The following GLI2 variants were observed in gnomAD, a reference collection of about 807,000 sequenced individuals.
GLI2 encodes GLI family zinc finger 2, also known as transcription activator GLI2.
Under a neutral mutation model 78.9 loss-of-function variants are expected in GLI2, and 22 were observed. That is an observed-to-expected ratio of 0.28 (90% CI 0.20 to 0.40). GLI2 has a LOEUF of 0.40. Among genes scored for constraint, GLI2 ranks in the 10% least tolerant of loss-of-function variants. GLI2 has a pLI of 1.00. For synonymous variants in GLI2, 974 were observed against 963.7 expected (o/e 1.01, Z -0.20); for missense variants, 2,097 against 2,213.2 (o/e 0.95, Z 1.05).
intron 2 of GLI2, among the ~76,000 whole-genome samples, chr2:120,885,460 G>A (rs1302141355): frequency 1.3e-5 from 2 of 152,194 alleles, no homozygotes; most frequent in African/African-American, 2.4e-5. Flanking sequence ...CCCCAGCCTC[G>A]GAAATGCTGA....
intron 2 of GLI2, among the ~76,000 whole-genome samples, chr2:120,914,137 G>T (rs1384796519): frequency 1.3e-5 from 2 of 152,268 alleles, no homozygotes; most frequent in Non-Finnish European, 2.9e-5. Context: ...CGACAAGTGG[G>T]CTTCTTGCCG....
intron 2 of GLI2, among the ~76,000 whole-genome samples, chr2:120,900,281 A>G (rs542897980): frequency 1.3e-5 from 2 of 152,080 alleles, no homozygotes; most frequent in African/African-American, 4.8e-5. Flanking sequence ...TGCTTCCCAA[A>G]CTTCAGTGTG....
intron 2 of GLI2, among the ~76,000 whole-genome samples, chr2:120,863,196 C>T (rs1181974710): frequency 6.6e-6 from 1 of 152,186 alleles, no homozygotes; most frequent in East Asian, 1.9e-4. Flanking sequence ...TCTGGGAGAC[C>T]CTGGAAGCAT....
At chr2:120,935,936 C>T (rs1027093920) in intron 3 of GLI2, among the ~76,000 whole-genome samples, 1 of 152,108 alleles carries the variant, frequency 6.6e-6, no homozygotes, top group Admixed American at 6.6e-5. Flanking sequence ...TGGAGAGAGC[C>T]GTGGTGGTCA....
intron 1 of GLI2, among the ~76,000 whole-genome samples, chr2:120,748,652 A>C (rs1682766329): frequency 6.6e-6 from 1 of 152,118 alleles, no homozygotes; most frequent in African/African-American, 2.4e-5. Context: ...GTTCTTTCCG[A>C]GGCTGGAACA....
intron 8 of GLI2, chr2:120,972,815 C>T (rs76519094): frequency 0.061 from 27,000 of 445,430 alleles, 2,058 homozygotes; most frequent in African/African-American, 0.26. Flanking sequence ...AGGCCTACCA[C>T]GTGGCCCAGA....
At chr2:120,910,413 T>C (rs1251078291) in intron 2 of GLI2, among the ~76,000 whole-genome samples, 1 of 152,202 alleles carries the variant, frequency 6.6e-6, no homozygotes, top group Non-Finnish European at 1.5e-5. Context: ...CATTCATCAG[T>C]GGGGCCTTAA....
rs537261224 is a variant in GLI2 at position 120,955,014 on chromosome 2, G to A, written c.458-231G>A. ...TCTAATGAAGTGGTGGAGTACAGAG[G>A]TCGGGGTCTGGCCTCCTTCAGCAGC... is the stretch of plus-strand genomic sequence containing the variant. On this transcript the variant is annotated intron_variant, in intron 4 of 13. Coordinates refer to ENST00000361492, the MANE Select transcript of GLI2 (RefSeq NM_001374353.1). Among the ~76,000 whole-genome samples, 31 of 152,262 alleles carry A rather than the reference G, an allele frequency of 2.0e-4. 1 individual carries two copies. In the East Asian group the frequency reaches 5.8e-3, roughly 29 times the overall value.
intron 2 of GLI2, among the ~76,000 whole-genome samples, chr2:120,892,411 GGTGCATAAATCCTGCTCT>G (rs1573549609): frequency 6.6e-6 from 1 of 152,286 alleles, no homozygotes. Context: ...TGGAAAAGTG[GGTGCATAAATCCTGCTCT>G]GTGCATAAAT....
chr2:120,978,429 G>C lies in GLI2; in HGVS notation c.1318-5G>C. On this transcript the variant is annotated splice_region_variant and splice_polypyrimidine_tract_variant and intron_variant, in intron 9 of 13. Transcript: ENST00000361492. ...TACCCTCTTCTGGGCATGTCCCTCC[G>C]GCAGCACATCAACAACGAGCACATC... The C allele has an allele frequency of 6.2e-7, 1 of 1,614,128 alleles. No individual in the cohort carries two copies. The highest frequency in any genetic ancestry group is 8.5e-7 in the Non-Finnish European group (1 of 1,180,010).
intron 1 of GLI2, among the ~76,000 whole-genome samples, chr2:120,746,043 G>A (rs1468910216): frequency 2.0e-5 from 3 of 152,312 alleles, no homozygotes; most frequent in East Asian, 1.9e-4. Flanking sequence ...CCCTGGGCCC[G>A]TAGGACCTGG....
rs750629679 is a variant in GLI2 at position 120,951,338 on chromosome 2, C to G, written c.350C>G (p.Ala117Gly). ...PAGPGESPFN[A>G]PHPYVNPHME... ...GGCCCTGGGGAGTCCCCCTTCAACG[C>G]CCCCCACCCGTACGTGAACCCCCAC... Residue 117 changes from alanine (A) to glycine (G), a missense_variant, in exon 4 of 14, where the codon GCC (alanine) becomes GGC (glycine). Coordinates refer to ENST00000361492, the MANE Select transcript of GLI2 (RefSeq NM_001374353.1). 4.4e-6 allele frequency: 7 copies of G among 1,576,864 alleles called. No individual in the cohort carries two copies. The highest frequency in any genetic ancestry group is 4.4e-5 in the South Asian group (4 of 90,306).
At chr2:120,979,306 T>A (rs768542184) in intron 10 of GLI2, among the ~76,000 whole-genome samples, 2 of 152,178 alleles carry the variant, frequency 1.3e-5, no homozygotes, top group Non-Finnish European at 2.9e-5. Context: ...GATAAGACCT[T>A]TTCTATGGTC....
chr2:120,767,126 A>G (rs752189780), intron 1 of GLI2, among the ~76,000 whole-genome samples: 4 of 152,194 alleles, frequency 2.6e-5, no homozygotes, highest in Admixed American at 6.5e-5. Flanking sequence ...CCTCTACGTA[A>G]CTTGTTCTTT....
At chr2:120,892,142 C>T (rs533545437) in intron 2 of GLI2, among the ~76,000 whole-genome samples, 11 of 152,350 alleles carry the variant, frequency 7.2e-5, no homozygotes, top group African/African-American at 1.4e-4. Flanking sequence ...CTCTCTCCCC[C>T]GTCAGCCAGG....
chr2:120,785,148 G>A (rs1683960619), intron 1 of GLI2, among the ~76,000 whole-genome samples: 4 of 152,300 alleles, frequency 2.6e-5, no homozygotes, highest in Non-Finnish European at 1.5e-5. Context: ...CCTGGGCTGC[G>A]ATGAGGTGGC....
intron 1 of GLI2, among the ~76,000 whole-genome samples, chr2:120,795,926 G>A (rs1483392072): frequency 6.6e-6 from 1 of 152,160 alleles, no homozygotes; most frequent in East Asian, 1.9e-4. Context: ...GCTCATGCCT[G>A]TAATCCCAGC....
intron 1 of GLI2, among the ~76,000 whole-genome samples, chr2:120,790,058 G>A (rs1467845351): frequency 6.6e-6 from 1 of 152,224 alleles, no homozygotes; most frequent in African/African-American, 2.4e-5. Flanking sequence ...GAAGGACAGA[G>A]CAGTTCAAGA....
chr2:120,970,725 AG>A, intron 7 of GLI2, 119 bp downstream of exon 7: 1 of 867,892 alleles, frequency 1.2e-6, no homozygotes, highest in Non-Finnish European at 1.9e-6. Context: ...TCTGGCCGCT[AG>A]GGTGCCTTCT....
Sources: gnomAD v4.1 joint callset for allele counts (sites outside exome capture counted in the v4.1 genomes callset) on GRCh38, gnomAD v4.1.1 for gene constraint, MANE v1.5 for transcripts, NCBI Gene and HGNC (gene_info 2026-07-23, HGNC 2026-07-21) for gene names.